CCSER1: variants seen among roughly 807,000 people sequenced by gnomAD.
CCSER1 encodes coiled-coil serine rich protein 1, also known as serine-rich coiled-coil domain-containing protein 1.
Under a neutral mutation model 82.0 loss-of-function variants are expected in CCSER1, and 41 were observed. The observed-to-expected ratio is 0.50, with a 90% CI of 0.39 to 0.65. The LOEUF (loss-of-function observed/expected upper bound fraction) is 0.65. CCSER1 is among the 30% of genes least tolerant of loss of function. The pLI is 0.00. For synonymous variants in CCSER1, 414 were observed against 383.9 expected, an observed-to-expected ratio of 1.08 and a Z score of -0.92; for missense variants, 1,119 against 1,064.2, an observed-to-expected ratio of 1.05 and a Z score of -0.72.
At chr4:91,508,730 A>G (rs1489205297) in intron 10 of CCSER1, among the ~76,000 whole-genome samples, 1 of 151,874 alleles carries the variant, frequency 6.6e-6, no homozygotes, top group African/African-American at 2.4e-5. Flanking sequence ...AAGGCTTTTC[A>G]TGGGAGTTTT....
chr4:91,483,037 T>C lies in CCSER1; in HGVS notation c.2218-115535T>C, dbSNP rs62309607. Reference sequence around the variant, plus strand: ...GCAGCACACCAACATGGCACATGTATACATATGTAACAAACCTGCACGTTG... The same window carrying C: ...GCAGCACACCAACATGGCACATGTACACATATGTAACAAACCTGCACGTTG... On this transcript the variant is annotated intron_variant, in intron 10 of 10. Coordinates refer to ENST00000509176, the MANE Select transcript of CCSER1 (RefSeq NM_001145065.2). Among the ~76,000 whole-genome samples the C allele has an allele frequency of 8.2e-3, 1,244 of 151,822 alleles. 9 individuals are homozygous for C. The highest frequency in any genetic ancestry group is 0.013 in the Non-Finnish European group (858 of 67,976).
chr4:90,876,337 T>C (rs562443968), intron 8 of CCSER1, among the ~76,000 whole-genome samples: 7 of 152,106 alleles, frequency 4.6e-5, no homozygotes, highest in Non-Finnish European at 1.0e-4. Context: ...CTAAATATTA[T>C]TTTTGAAGCA....
chr4:90,648,245 A>C (rs566775131), intron 6 of CCSER1, among the ~76,000 whole-genome samples: 1 of 138,338 alleles, frequency 7.2e-6, no homozygotes, highest in South Asian at 2.2e-4. Context: ...TGAGAGGAAT[A>C]AAGGAAAAAA....
chr4:90,718,262 A>T (rs1022217755), intron 6 of CCSER1, among the ~76,000 whole-genome samples: 1 of 151,500 alleles, frequency 6.6e-6, no homozygotes, highest in Non-Finnish European at 1.5e-5. Context: ...CTAATGGCTT[A>T]AAAAAGTTAA....
intron 7 of CCSER1, chr4:90,781,853 T>G: frequency 1.1e-6 from 1 of 938,466 alleles, no homozygotes; most frequent in Non-Finnish European, 1.3e-6. Flanking sequence ...TGTTTTCTAT[T>G]TCAGTTTATT....
chr4:90,356,874 T>C (rs1238780726), intron 3 of CCSER1, among the ~76,000 whole-genome samples: 2 of 151,928 alleles, frequency 1.3e-5, no homozygotes, highest in African/African-American at 4.8e-5. Flanking sequence ...TAAGATTCTC[T>C]GTATTACAGA....
intron 5 of CCSER1, among the ~76,000 whole-genome samples, chr4:90,620,569 A>T (rs1175185122): frequency 6.6e-6 from 1 of 152,194 alleles, no homozygotes; most frequent in African/African-American, 2.4e-5. Flanking sequence ...ATAAATAGTT[A>T]CACAGTTAAT....
At chr4:90,167,746 T>C (rs575299627) in intron 1 of CCSER1, among the ~76,000 whole-genome samples, 5 of 152,058 alleles carry the variant, frequency 3.3e-5, no homozygotes, top group Admixed American at 1.3e-4. Flanking sequence ...GTCCTTGTGA[T>C]AGTTTGCTGA....
At chr4:90,327,065 AGTCT>A (rs1738358614) in intron 3 of CCSER1, among the ~76,000 whole-genome samples, 1 of 152,150 alleles carries the variant, frequency 6.6e-6, no homozygotes, top group Non-Finnish European at 1.5e-5. Context: ...TTTGCTAGGA[AGTCT>A]GTCATTAGTA....
At chr4:90,319,157 G>T (rs762411546) in intron 3 of CCSER1, among the ~76,000 whole-genome samples, 2 of 152,248 alleles carry the variant, frequency 1.3e-5, no homozygotes, top group Non-Finnish European at 2.9e-5. Flanking sequence ...AGCTGCTAGT[G>T]CTGAGCAGGT....
At chr4:90,502,236 C>T (rs148919211) in intron 5 of CCSER1, among the ~76,000 whole-genome samples, 165 of 152,072 alleles carry the variant, frequency 1.1e-3, no homozygotes, top group African/African-American at 3.6e-3. Context: ...AGGAAACTTA[C>T]CAGCATGGAG....
intron 5 of CCSER1, among the ~76,000 whole-genome samples, chr4:90,591,107 A>G (rs1782638389): frequency 6.6e-6 from 1 of 152,058 alleles, no homozygotes; most frequent in Non-Finnish European, 1.5e-5. Context: ...CTTGTCTAAT[A>G]TTGGTGTATA....
chr4:90,509,639 GC>G (rs1234369989), intron 5 of CCSER1, among the ~76,000 whole-genome samples: 1 of 152,078 alleles, frequency 6.6e-6, no homozygotes, highest in Non-Finnish European at 1.5e-5. Flanking sequence ...CTTCCTGTCA[GC>G]TGATTTCTGG....
chr4:91,403,420 T>C (rs1752473985), intron 10 of CCSER1, among the ~76,000 whole-genome samples: 1 of 152,140 alleles, frequency 6.6e-6, no homozygotes, highest in African/African-American at 2.4e-5. Context: ...GGGCAGAACT[T>C]GCAACATTAT....
chr4:91,116,374 AAAAG>A (rs997843119), intron 10 of CCSER1, among the ~76,000 whole-genome samples: 1 of 152,158 alleles, frequency 6.6e-6, no homozygotes, highest in African/African-American at 2.4e-5. Context: ...CTGATTTAGT[AAAAG>A]AGTAACAGGA....
intron 10 of CCSER1, among the ~76,000 whole-genome samples, chr4:91,530,744 C>T (rs920373514): frequency 2.7e-5 from 4 of 149,616 alleles, no homozygotes; most frequent in Admixed American, 6.7e-5. Context: ...ACAGAGTGCA[C>T]TGGTGTGATC....
intron 10 of CCSER1, among the ~76,000 whole-genome samples, chr4:91,169,837 G>C (rs1377770379): frequency 2.6e-5 from 4 of 151,928 alleles, no homozygotes; most frequent in African/African-American, 9.7e-5. Flanking sequence ...GAAACTGCTA[G>C]TTGCCTATCC....
chr4:91,504,498 C>G (rs1759381253), intron 10 of CCSER1, among the ~76,000 whole-genome samples: 1 of 152,152 alleles, frequency 6.6e-6, no homozygotes, highest in South Asian at 2.1e-4. Flanking sequence ...GCCTTTAATT[C>G]ATAAGAAACA....
At chr4:91,587,399 T>C (rs1764051964) in intron 10 of CCSER1, among the ~76,000 whole-genome samples, 1 of 151,744 alleles carries the variant, frequency 6.6e-6, no homozygotes, top group South Asian at 2.1e-4. Context: ...GCCAATATCT[T>C]ATTACCATGT....
Sources: allele counts gnomAD v4.1 joint callset (sites outside exome capture counted in the v4.1 genomes callset), GRCh38; gene constraint gnomAD v4.1.1; transcripts MANE v1.5; gene names NCBI Gene and HGNC (gene_info 2026-07-23, HGNC 2026-07-21).